Variants in UVRAG observed in about 807,000 individuals in gnomAD.
UVRAG encodes UV radiation resistance-associated gene protein.
UVRAG carries 19 observed loss-of-function variants against 78.0 expected under a neutral mutation model. The ratio of observed to expected loss-of-function variants is 0.24; its 90% confidence interval spans 0.17 to 0.36. UVRAG has a LOEUF of 0.36. Ranked by LOEUF, UVRAG falls within the 10% of genes least tolerant of loss-of-function variation. UVRAG has a pLI of 1.00. For missense variants in UVRAG, 740 were observed against 853.8 expected (o/e 0.87, Z 1.66); for synonymous variants, 323 against 324.6 (o/e 1.00, Z 0.05).
chr11:75,868,479 G>A (rs1384905813), intron 3 of UVRAG, among the ~76,000 whole-genome samples: 1 of 152,118 alleles, frequency 6.6e-6, no homozygotes, highest in East Asian at 1.9e-4. Flanking sequence ...ATTTTGGAAG[G>A]CATAGCATTA....
intron 12 of UVRAG, among the ~76,000 whole-genome samples, chr11:76,023,519 G>GT (rs1314520047): frequency 6.6e-6 from 1 of 152,072 alleles, no homozygotes; most frequent in Non-Finnish European, 1.5e-5. Context: ...TCAGTTCTGA[G>GT]TGAGTTCAGA....
intron 12 of UVRAG, among the ~76,000 whole-genome samples, chr11:76,046,774 G>A (rs1950765567): frequency 6.6e-6 from 1 of 152,024 alleles, no homozygotes; most frequent in African/African-American, 2.4e-5. Context: ...GGAATAAAAG[G>A]ATATTAATTA....
At chr11:75,926,018 C>A (rs772424515) in intron 6 of UVRAG, among the ~76,000 whole-genome samples, 2 of 152,062 alleles carry the variant, frequency 1.3e-5, no homozygotes, top group Non-Finnish European at 2.9e-5. Context: ...CCTTATAGCA[C>A]CCTTAGTCTT....
At chr11:76,086,967 C>G (rs954395493) in intron 13 of UVRAG, among the ~76,000 whole-genome samples, 4 of 152,178 alleles carry the variant, frequency 2.6e-5, no homozygotes, top group Non-Finnish European at 4.4e-5. Context: ...CTAGTCATAC[C>G]TTTTTATTGA....
chr11:76,097,593 T>C (rs758548147), intron 13 of UVRAG, among the ~76,000 whole-genome samples: 3 of 152,212 alleles, frequency 2.0e-5, no homozygotes, highest in East Asian at 1.9e-4. Flanking sequence ...ACTGTACTTA[T>C]GTTTCTGATT....
rs931435135 is a variant in UVRAG, at chr11:75,815,488, C to G, written c.81C>G (p.Ala27=). ...GPAAALPPGS[A]ARALHVELPS... ...CCGCTGCTCTGCCTCCCGGTTCTGC[C>G]GCGCGGGCCCTGCATGTGGAGCTGC... Residue 27 remains alanine (A), a synonymous_variant, in exon 1 of 15, where the codon GCC becomes GCG. Coordinates refer to ENST00000356136, the MANE Select transcript of UVRAG (RefSeq NM_003369.4). 1.6e-6 allele frequency: 2 copies of G among 1,243,390 alleles called. No individual in the cohort carries two copies. The highest frequency in any genetic ancestry group is 3.1e-5 in the African/African-American group (2 of 64,430). The allele number at this position is 1,243,390 out of a possible 1,614,324, so 77.0% of individuals were successfully genotyped here. A position where few individuals can be genotyped will look rare whatever the true frequency, so the allele number is the denominator to read the frequency against.
intron 11 of UVRAG, among the ~76,000 whole-genome samples, chr11:76,015,654 CAAAT>C (rs1591135146): frequency 6.6e-6 from 1 of 151,918 alleles, no homozygotes; most frequent in East Asian, 1.9e-4. Flanking sequence ...CAAAGAAAAA[CAAAT>C]AGTCTGCTAT....
At chr11:75,887,638 G>A (rs978196708) in intron 4 of UVRAG, among the ~76,000 whole-genome samples, 29 of 151,906 alleles carry the variant, frequency 1.9e-4, no homozygotes, top group Non-Finnish European at 3.7e-4. Context: ...TAGTAGAGAC[G>A]GGGTTTCACC....
At chr11:75,881,389 A>G (rs1471835491) in intron 4 of UVRAG, among the ~76,000 whole-genome samples, 2 of 152,224 alleles carry the variant, frequency 1.3e-5, no homozygotes, top group African/African-American at 4.8e-5. Flanking sequence ...GACTCGAAGC[A>G]GGGAGGGAGC....
chr11:75,887,527 A>C (rs1305194334), intron 4 of UVRAG, among the ~76,000 whole-genome samples: 1 of 143,314 alleles, frequency 7.0e-6, no homozygotes, highest in Non-Finnish European at 1.5e-5. Flanking sequence ...GGCTCTCTGC[A>C]AGCTCTGCCT....
chr11:76,020,579 A>G (rs564536685), intron 12 of UVRAG, among the ~76,000 whole-genome samples: 28 of 147,132 alleles, frequency 1.9e-4, no homozygotes, highest in African/African-American at 2.5e-4. Context: ...GCCCTATCCT[A>G]TTGTGGCTAA....
chr11:75,820,092 T>C (rs898365465), intron 1 of UVRAG, among the ~76,000 whole-genome samples: 1 of 152,190 alleles, frequency 6.6e-6, no homozygotes, highest in Non-Finnish European at 1.5e-5. Flanking sequence ...TTATCTTGCC[T>C]CAGCCTCCCT....
At chr11:76,034,958 CTT>C (rs1001237013) in intron 12 of UVRAG, among the ~76,000 whole-genome samples, 6 of 152,140 alleles carry the variant, frequency 3.9e-5, no homozygotes, top group African/African-American at 1.2e-4. Context: ...GCAACGGAAA[CTT>C]TTTATTATTT....
chr11:75,823,844 G>T (rs2135807273), intron 1 of UVRAG, among the ~76,000 whole-genome samples: 1 of 152,126 alleles, frequency 6.6e-6, no homozygotes, highest in East Asian at 1.9e-4. Flanking sequence ...CAGTTTTTTT[G>T]TTTATGAGTC....
At chr11:75,965,612 G>T (rs1304148525) in intron 7 of UVRAG, among the ~76,000 whole-genome samples, 1 of 152,228 alleles carries the variant, frequency 6.6e-6, no homozygotes, top group Non-Finnish European at 1.5e-5. Flanking sequence ...ACCGCGCCCG[G>T]CAGATGTTGG....
intron 13 of UVRAG, among the ~76,000 whole-genome samples, chr11:76,114,685 G>A (rs1335993119): frequency 6.6e-6 from 1 of 151,994 alleles, no homozygotes; most frequent in Non-Finnish European, 1.5e-5. Flanking sequence ...CAGTGAGAGT[G>A]AACTCTTTCT....
At chr11:75,890,084 C>A (rs1053405000) in intron 5 of UVRAG, among the ~76,000 whole-genome samples, 6 of 152,116 alleles carry the variant, frequency 3.9e-5, no homozygotes, top group Non-Finnish European at 8.8e-5. Flanking sequence ...AAAGGAAGGT[C>A]AGAGTGATGA....
intron 1 of UVRAG, among the ~76,000 whole-genome samples, chr11:75,849,301 T>C (rs1334952616): frequency 5.3e-5 from 8 of 151,964 alleles, no homozygotes; most frequent in Non-Finnish European, 1.0e-4. Context: ...GTCAGAAGAT[T>C]GAGACCATCC....
chr11:76,018,686 C>T (rs985679986), intron 12 of UVRAG, among the ~76,000 whole-genome samples: 1 of 152,130 alleles, frequency 6.6e-6, no homozygotes, highest in Non-Finnish European at 1.5e-5. Flanking sequence ...GGATTACAGG[C>T]CATTGTGTGA....
Sources: gnomAD v4.1 joint callset for allele counts (sites outside exome capture counted in the v4.1 genomes callset) on GRCh38, gnomAD v4.1.1 for gene constraint, MANE v1.5 for transcripts, NCBI Gene and HGNC (gene_info 2026-07-23, HGNC 2026-07-21) for gene names.